The following DLG2 variants were observed in gnomAD, a reference collection of about 807,000 sequenced individuals.
The protein encoded by DLG2 is disks large homolog 2.
A neutral mutation model predicts 132.5 loss-of-function variants in DLG2; 45 were observed. The ratio of observed to expected loss-of-function variants is 0.34; its 90% CI spans 0.27 to 0.44. DLG2 has a LOEUF of 0.44. Among genes scored for constraint, DLG2 ranks in the 20% least tolerant of loss-of-function variants. DLG2 has a pLI of 1.00. For synonymous variants in DLG2, 424 were observed against 419.6 expected, an observed-to-expected ratio of 1.01 and a Z score of -0.13; for missense variants, 1,045 against 1,196.9, an observed-to-expected ratio of 0.87 and a Z score of 1.87.
intron 6 of DLG2, among the ~76,000 whole-genome samples, chr11:85,009,644 A>G (rs2154134649): frequency 6.6e-6 from 1 of 152,244 alleles, no homozygotes; most frequent in Admixed American, 6.5e-5. Flanking sequence ...AATTATTGAA[A>G]CATTTTATTG....
chr11:85,171,463 C>T (rs898989480), intron 4 of DLG2, among the ~76,000 whole-genome samples: 1 of 152,162 alleles, frequency 6.6e-6, no homozygotes. Context: ...AAGCAGAGAG[C>T]TGTGTGGAAA....
At chr11:83,718,532 G>GAAAAA (rs57237354) in intron 18 of DLG2, among the ~76,000 whole-genome samples, 358 of 106,102 alleles carry the variant, frequency 3.4e-3, no homozygotes, top group Non-Finnish European at 3.8e-3. Context: ...CTCAAAAAAA[G>GAAAAA]AAAAAAAAAA....
intron 6 of DLG2, among the ~76,000 whole-genome samples, chr11:84,883,843 T>C (rs2087771501): frequency 6.6e-6 from 1 of 152,130 alleles, no homozygotes; most frequent in Non-Finnish European, 1.5e-5. Context: ...TTGTCTAACC[T>C]GAACGCTGTG....
chr11:85,386,054 T>C (rs1355577260), intron 3 of DLG2, among the ~76,000 whole-genome samples: 25 of 152,182 alleles, frequency 1.6e-4, no homozygotes, highest in Admixed American at 1.6e-3. Flanking sequence ...AAAACAGAAA[T>C]TTAATTGGTT....
At position 84,904,229 on chromosome 11, in the gene DLG2, G is replaced by A. The variant is rs918423737; in HGVS notation, c.357+207432C>T. Reference sequence around the variant, plus strand: ...ACCATTTCCTCTGGAACATAATGGTGCAACAAATTCTATCTATATTCTACC... The same window carrying A: ...ACCATTTCCTCTGGAACATAATGGTACAACAAATTCTATCTATATTCTACC... On this transcript the variant is annotated intron_variant, in intron 6 of 27. Transcript: ENST00000376104. Among the ~76,000 whole-genome samples, 13 of 152,068 alleles carry A rather than the reference G, an allele frequency of 8.5e-5. No homozygotes were observed. In the East Asian group the frequency reaches 2.3e-3, roughly 27 times the overall value.
At chr11:85,018,342 T>TATAAAGTG (rs1491336424) in intron 6 of DLG2, among the ~76,000 whole-genome samples, 7 of 152,088 alleles carry the variant, frequency 4.6e-5, no homozygotes, top group African/African-American at 1.4e-4. Context: ...CAGTCAACAC[T>TATAAAGTG]TTATATGTAC....
chr11:84,941,226 C>A (rs2049377343), intron 6 of DLG2, among the ~76,000 whole-genome samples: 1 of 152,112 alleles, frequency 6.6e-6, no homozygotes, highest in African/African-American at 2.4e-5. Flanking sequence ...TGTGTTTTCA[C>A]ATAAAATTTT....
chr11:85,594,724 T>C lies in DLG2; in HGVS notation c.40+3933A>G, dbSNP rs552717534. Among the ~76,000 whole-genome samples the C allele has an allele frequency of 1.2e-3, 183 of 152,282 alleles. 1 individual carries two copies. Among genetic ancestry groups the C allele is most frequent in the African/African-American group, 4.1e-3 (172 of 41,576 alleles). On this transcript the variant is annotated intron_variant, in intron 3 of 27. Transcript: ENST00000376104. Reference sequence around the variant, plus strand: ...TTCAAAAACAATTATGGTGGTAATATAGTTGTTTAAAAATTAAAAGTCAAT... The same window carrying C: ...TTCAAAAACAATTATGGTGGTAATACAGTTGTTTAAAAATTAAAAGTCAAT...
At chr11:83,864,322 G>C (rs1342869368) in intron 16 of DLG2, among the ~76,000 whole-genome samples, 1 of 152,176 alleles carries the variant, frequency 6.6e-6, no homozygotes, top group Non-Finnish European at 1.5e-5. Context: ...ATTAGTCTGA[G>C]TTCTTCAGGG....
rs576841895 is a variant in DLG2 at position 84,214,151 on chromosome 11, C to G, written c.573+37087G>C. Among the ~76,000 whole-genome samples, 97 of 143,462 alleles carry G rather than the reference C, an allele frequency of 6.8e-4. 2 individuals carry two copies. The South Asian group carries it at 0.018, about 27-fold the overall frequency. 94.1% of individuals were successfully genotyped at this position (143,462 alleles called of 152,430 possible). On this transcript the variant is annotated intron_variant, in intron 8 of 27. Transcript: ENST00000376104. ...TGATGATGAATATTTCAAATACTAACCTGAAAGTTCAGCTATCAATTCAGA... is the reference window on the plus strand; with the variant it reads ...TGATGATGAATATTTCAAATACTAAGCTGAAAGTTCAGCTATCAATTCAGA...
chr11:84,244,394 C>G (rs2097274764), intron 8 of DLG2, among the ~76,000 whole-genome samples: 1 of 152,170 alleles, frequency 6.6e-6, no homozygotes, highest in Non-Finnish European at 1.5e-5. Context: ...GCATGTCGGC[C>G]AGGCTAGTCT....
At chr11:84,254,261 T>C (rs1022535275) in intron 7 of DLG2, among the ~76,000 whole-genome samples, 2 of 152,186 alleles carry the variant, frequency 1.3e-5, no homozygotes, top group African/African-American at 4.8e-5. Context: ...TATAATAATG[T>C]GTTATGGGAA....
At chr11:84,714,601 CTCTTTCTCTTTCTCTTTCTCTT>C (rs2060916306) in intron 6 of DLG2, among the ~76,000 whole-genome samples, 8 of 95,538 alleles carry the variant, frequency 8.4e-5, no homozygotes, top group South Asian at 3.5e-4. Context: ...CTCTTTCTTT[CTCTTTCTCTTTCTCTTTCTCTT>C]TCTCTCTCTC....
At chr11:84,207,587 T>C (rs1287680104) in intron 8 of DLG2, among the ~76,000 whole-genome samples, 1 of 152,154 alleles carries the variant, frequency 6.6e-6, no homozygotes, top group Admixed American at 6.5e-5. Context: ...TGGATATCTA[T>C]TGGAAAAATT....
chr11:85,118,684 C>A (rs961325510), intron 5 of DLG2, among the ~76,000 whole-genome samples: 2 of 151,892 alleles, frequency 1.3e-5, no homozygotes, highest in Non-Finnish European at 2.9e-5. Flanking sequence ...CTCATTGTAT[C>A]ATCACATTAA....
chr11:85,216,314 A>C (rs1013088452), intron 4 of DLG2, among the ~76,000 whole-genome samples: 9 of 152,224 alleles, frequency 5.9e-5, no homozygotes, highest in African/African-American at 2.2e-4. Flanking sequence ...CAAAAGCAGA[A>C]AATAGGCCAT....
At chr11:84,288,576 T>C (rs1250521693) in intron 7 of DLG2, among the ~76,000 whole-genome samples, 1 of 152,088 alleles carries the variant, frequency 6.6e-6, no homozygotes. Flanking sequence ...TGTAACTAAA[T>C]CTCAGAGTCA....
intron 6 of DLG2, among the ~76,000 whole-genome samples, chr11:84,984,807 T>C (rs1050596762): frequency 2.6e-5 from 4 of 152,056 alleles, no homozygotes; most frequent in Admixed American, 1.3e-4. Context: ...TCCATGCAAA[T>C]TGACACCAAA....
chr11:83,589,523 C>G (rs1330869051), intron 19 of DLG2, among the ~76,000 whole-genome samples: 1 of 151,912 alleles, frequency 6.6e-6, no homozygotes, highest in Non-Finnish European at 1.5e-5. Context: ...CCGGAACCAG[C>G]CACTGCAAAA....
Sources: allele counts gnomAD v4.1 joint callset (sites outside exome capture counted in the v4.1 genomes callset), GRCh38; gene constraint gnomAD v4.1.1; transcripts MANE v1.5; gene names NCBI Gene and HGNC (gene_info 2026-07-23, HGNC 2026-07-21).